The following GALNT12 variants were observed in gnomAD, a reference collection of about 807,000 sequenced individuals.
The protein encoded by GALNT12 is UDP-GalNAc:polypeptide N-acetylgalactosaminyltransferase 12.
In GALNT12, 45 loss-of-function variants were observed where a neutral mutation model predicts 55.5. That is an observed-to-expected ratio of 0.81 (90% CI 0.64 to 1.04). GALNT12 has a LOEUF of 1.04. Among genes scored for constraint, GALNT12 ranks in the 50% least tolerant of loss-of-function variants. GALNT12 has a pLI of 0.00. For missense variants in GALNT12, 709 were observed against 754.8 expected (o/e 0.94, Z 0.71); for synonymous variants, 304 against 312.2 (o/e 0.97, Z 0.28).
intron 9 of GALNT12, among the ~76,000 whole-genome samples, chr9:98,848,328 A>G (rs1836467282): frequency 6.6e-6 from 1 of 152,054 alleles, no homozygotes; most frequent in Admixed American, 6.5e-5. Context: ...GGCAGAGGGA[A>G]AAGATAAACA....
chr9:98,829,874 T>C lies in GALNT12; in HGVS notation c.732-1898T>C, dbSNP rs547803456. Among the ~76,000 whole-genome samples, 16 of 152,368 alleles carry C rather than the reference T, an allele frequency of 1.1e-4. 1 individual carries two copies. The Middle Eastern group carries it at 0.01, about 97-fold the overall frequency. On this transcript the variant is annotated intron_variant, in intron 3 of 9. Coordinates refer to ENST00000375011, the MANE Select transcript of GALNT12 (RefSeq NM_024642.5). ...CACATATCCTTTATCCATTCATCTG[T>C]TGATGGACACTTCGGTTGCTTCCCA... is the stretch of plus-strand genomic sequence containing the variant.
intron 1 of GALNT12, among the ~76,000 whole-genome samples, chr9:98,822,514 C>T (rs1327315168): frequency 2.6e-5 from 4 of 152,238 alleles, no homozygotes; most frequent in African/African-American, 9.6e-5. Context: ...CCCCACCCCA[C>T]CACATGACTA....
chr9:98,813,123 A>C (rs982794474), intron 1 of GALNT12, among the ~76,000 whole-genome samples: 4 of 152,228 alleles, frequency 2.6e-5, no homozygotes, highest in African/African-American at 9.6e-5. Flanking sequence ...CCTGAAATAC[A>C]TCATGTATTA....
At chr9:98,844,345 C>T (rs889850060) in intron 8 of GALNT12, 136 bp downstream of exon 8, 2 of 675,294 alleles carry the variant, frequency 3.0e-6, no homozygotes, top group Non-Finnish European at 5.3e-6. Context: ...TCAGAGAGAC[C>T]ACTGTTAAAA....
intron 1 of GALNT12, among the ~76,000 whole-genome samples, chr9:98,821,495 G>T (rs1435974076): frequency 6.6e-6 from 1 of 151,802 alleles, no homozygotes; most frequent in Non-Finnish European, 1.5e-5. Flanking sequence ...TGTGGTGGCA[G>T]GCACTTGTAG....
chr9:98,846,806 G>A (rs1037569115), intron 9 of GALNT12, among the ~76,000 whole-genome samples: 3 of 127,018 alleles, frequency 2.4e-5, no homozygotes, highest in Non-Finnish European at 4.6e-5. Context: ...GCAGTCAGCC[G>A]AAATCATGCC....
chr9:98,848,982 A>T lies in GALNT12; in HGVS notation c.1636A>T (p.Lys546Ter). 1.2e-6 allele frequency: 2 copies of T among 1,614,238 alleles called. No homozygotes were observed. Among genetic ancestry groups the T allele is most frequent in the Non-Finnish European group, 1.7e-6 (2 of 1,180,038 alleles). The change falls in exon 10 of 10, where the codon AAA (lysine) becomes TAA (stop). Residue 546 changes from lysine to a stop codon, truncating the protein, a stop_gained. Coordinates refer to ENST00000375011, the MANE Select transcript of GALNT12 (RefSeq NM_024642.5). LOFTEE classifies it low-confidence loss of function (END_TRUNC). Reference protein sequence around the residue: ...DGSLFHEQSKKCVQAARKESS... With the variant: ...DGSLFHEQSK Reference sequence around the variant, plus strand: ...ATCTTTATTTCACGAACAGTCCAAGAAATGTGTCCAGGCTGCGAGGAAGGA... The same window carrying T: ...ATCTTTATTTCACGAACAGTCCAAGTAATGTGTCCAGGCTGCGAGGAAGGA...
rs2273847 is a variant in GALNT12 at position 98,849,263 on chromosome 9, A to G, written c.*171A>G. Reference sequence around the variant, plus strand: ...TGTGTTGGATTTAGTAAAAATGTGAATAAGCTTTGTACTTATTTTGAGAAC... The same window carrying G: ...TGTGTTGGATTTAGTAAAAATGTGAGTAAGCTTTGTACTTATTTTGAGAAC... On this transcript the variant is annotated 3_prime_UTR_variant, in exon 10 of 10. Coordinates refer to ENST00000375011, the MANE Select transcript of GALNT12 (RefSeq NM_024642.5). 0.079 allele frequency: 53,287 copies of G among 673,242 alleles called. 3,195 individuals are homozygous for G. Among genetic ancestry groups the G allele is most frequent in the East Asian group, 0.25 (9,371 of 36,928 alleles). 41.7% of individuals were successfully genotyped at this position (673,242 alleles called of 1,614,324 possible).
intron 3 of GALNT12, among the ~76,000 whole-genome samples, chr9:98,829,565 C>A (rs1165293197): frequency 6.6e-6 from 1 of 151,374 alleles, no homozygotes; most frequent in Non-Finnish European, 1.5e-5. Context: ...ACTGGTACGT[C>A]TTATTCATTC....
intron 1 of GALNT12, among the ~76,000 whole-genome samples, chr9:98,820,854 C>T (rs1319225882): frequency 6.6e-6 from 1 of 152,134 alleles, no homozygotes; most frequent in African/African-American, 2.4e-5. Flanking sequence ...TCTTCCAACC[C>T]AGGGCTGCTT....
Position 98,840,062 on chromosome 9 carries a change from T to A in GALNT12, c.1273T>A (p.Phe425Ile). The A allele has an allele frequency of 6.2e-7, 1 of 1,614,182 alleles. No individual in the cohort carries two copies. The highest frequency in any genetic ancestry group is 1.1e-5 in the South Asian group (1 of 91,070). ...QLRDKLQCKD[F>I]KWFLETVYPE... ...CCGGGACAAGCTCCAGTGTAAAGAC[T>A]TCAAGTGGTTCTTGGAGACTGTGTA... Residue 425 changes from phenylalanine (F) to isoleucine (I), a missense_variant, in exon 7 of 10, where the codon TTC becomes ATC. By Grantham distance (21) the Phe-to-Ile change is conservative (BLOSUM62 0). Around this residue, in one of 5 missense-constraint regions of GALNT12, gnomAD observed 262 missense variants for 310.7 expected, o/e 0.84. Transcript: ENST00000375011.
chr9:98,819,866 T>C (rs1015844946), intron 1 of GALNT12, among the ~76,000 whole-genome samples: 3 of 152,234 alleles, frequency 2.0e-5, no homozygotes, highest in Admixed American at 1.3e-4. Flanking sequence ...GCCCAGTACA[T>C]ACTAGCAGGT....
In GALNT12 at chr9:98,822,422, C is replaced by T. The variant is rs1036098389; in HGVS notation, c.372-834C>T. ...CCAGGGAACCTTCAGTTCAAAGTGA[C>T]GGCAAATTGCTAAACAAAGAGGGAG... On this transcript the variant is annotated intron_variant, in intron 1 of 9. Transcript: ENST00000375011. Among the ~76,000 whole-genome samples, 17 of 152,292 alleles carry T rather than the reference C, an allele frequency of 1.1e-4. No homozygotes were observed. The East Asian group carries it at 2.5e-3, about 22-fold the overall frequency.
intron 1 of GALNT12, 93 bp downstream of exon 1, chr9:98,808,162 TC>T: frequency 2.0e-6 from 2 of 1,016,388 alleles, no homozygotes; most frequent in Non-Finnish European, 2.9e-6. Context: ...AGCTGGGGTC[TC>T]CAGGATGGCG....
chr9:98,822,736 G>T (rs1432354668), intron 1 of GALNT12, among the ~76,000 whole-genome samples: 1 of 152,166 alleles, frequency 6.6e-6, no homozygotes, highest in Admixed American at 6.5e-5. Flanking sequence ...TGTCAGTGGT[G>T]CATGCTGAGA....
chr9:98,821,004 T>A (rs751155665), intron 1 of GALNT12, among the ~76,000 whole-genome samples: 2 of 152,196 alleles, frequency 1.3e-5, no homozygotes, highest in Non-Finnish European at 2.9e-5. Flanking sequence ...TATGCTGGAT[T>A]TTCTTTAGAA....
At chr9:98,833,842 C>G (rs111442105) in intron 4 of GALNT12, among the ~76,000 whole-genome samples, 2 of 152,080 alleles carry the variant, frequency 1.3e-5, no homozygotes, top group Non-Finnish European at 2.9e-5. Flanking sequence ...CTAATTGCCC[C>G]GTTACCCCAC....
At chr9:98,834,500 T>C (rs1836084546) in intron 4 of GALNT12, among the ~76,000 whole-genome samples, 1 of 152,210 alleles carries the variant, frequency 6.6e-6, no homozygotes, top group South Asian at 2.1e-4. Context: ...CCGTGTAGGC[T>C]GGAAGCCGTG....
intron 3 of GALNT12, among the ~76,000 whole-genome samples, chr9:98,829,211 CAG>C (rs759628497): frequency 6.2e-5 from 9 of 144,532 alleles, no homozygotes; most frequent in African/African-American, 1.0e-4. Context: ...CTATCTGAGA[CAG>C]AGTCTCGCTC....
Sources: gnomAD v4.1 joint callset for allele counts (sites outside exome capture counted in the v4.1 genomes callset) on GRCh38, gnomAD v4.1.1 for gene constraint, gnomAD v4.1.1 regional missense constraint, MANE v1.5 for transcripts, NCBI Gene and HGNC (gene_info 2026-07-23, HGNC 2026-07-21) for gene names.